ANKS1B: variants seen among roughly 807,000 people sequenced by gnomAD.
The protein encoded by ANKS1B is ankyrin repeat and sterile alpha motif domain-containing protein 1B.
Under a neutral mutation model 148.3 loss-of-function variants are expected in ANKS1B, and 36 were observed. The ratio of observed to expected loss-of-function variants is 0.24; its 90% CI spans 0.19 to 0.32. The LOEUF (loss-of-function observed/expected upper bound fraction) is 0.32, where lower values mean the gene tolerates loss of function less well. ANKS1B is among the 10% of genes least tolerant of loss of function. The pLI is 1.00. For synonymous variants in ANKS1B, 542 were observed against 560.8 expected, an observed-to-expected ratio of 0.97 and a Z score of 0.47; for missense variants, 1,157 against 1,542.6, an observed-to-expected ratio of 0.75 and a Z score of 4.19.
At chr12:99,921,206 T>C (rs2094341179) in intron 1 of ANKS1B, among the ~76,000 whole-genome samples, 2 of 152,078 alleles carry the variant, frequency 1.3e-5, no homozygotes, top group Admixed American at 1.3e-4. Context: ...GGTGATTGGA[T>C]CATGGGGGTG....
At chr12:99,694,079 C>T (rs2153508041) in intron 8 of ANKS1B, among the ~76,000 whole-genome samples, 1 of 150,364 alleles carries the variant, frequency 6.7e-6, no homozygotes, top group South Asian at 2.1e-4. Flanking sequence ...ATGCCCAGCC[C>T]TTTTTTGGAC....
chr12:99,107,468 C>A (rs1445163704), intron 15 of ANKS1B, among the ~76,000 whole-genome samples: 2 of 152,196 alleles, frequency 1.3e-5, no homozygotes, highest in Non-Finnish European at 2.9e-5. Context: ...TGTAACATCA[C>A]AAGGACTGTC....
intron 15 of ANKS1B, among the ~76,000 whole-genome samples, chr12:99,147,054 T>C (rs1412830875): frequency 6.6e-6 from 1 of 152,146 alleles, no homozygotes; most frequent in Non-Finnish European, 1.5e-5. Flanking sequence ...GCCTAAAATA[T>C]TTACCATCTG....
chr12:99,401,530 C>T (rs1341985874), intron 11 of ANKS1B, among the ~76,000 whole-genome samples: 1 of 146,602 alleles, frequency 6.8e-6, no homozygotes, highest in East Asian at 1.9e-4. Context: ...ACCCATGGTT[C>T]TAACTGCTTT....
In ANKS1B at chr12:98,810,666, C is replaced by T. The variant is rs747902554; in HGVS notation, c.3067-2748G>A. Among the ~76,000 whole-genome samples the T allele has an allele frequency of 3.2e-4, 48 of 152,320 alleles. 1 individual carries two copies. In the Middle Eastern group the frequency reaches 0.02, roughly 65 times the overall value. On this transcript the variant is annotated intron_variant, in intron 19 of 26. Transcript: ENST00000683438. ...GAGACAGTCTTAACTGCACTGGGGTCCAAACACCAAAAAGTTGTTTTAGGT... is the reference window on the plus strand; with the variant it reads ...GAGACAGTCTTAACTGCACTGGGGTTCAAACACCAAAAAGTTGTTTTAGGT...
At chr12:98,784,169 G>A (rs1042882155) in intron 22 of ANKS1B, among the ~76,000 whole-genome samples, 2 of 152,222 alleles carry the variant, frequency 1.3e-5, no homozygotes, top group Admixed American at 6.5e-5. Context: ...TAAGCAGGTG[G>A]AGATATCCAG....
chr12:99,774,786 T>C (rs1428268179), intron 7 of ANKS1B, among the ~76,000 whole-genome samples: 1 of 151,606 alleles, frequency 6.6e-6, no homozygotes. Context: ...TATACATTTA[T>C]ATACACACTA....
intron 10 of ANKS1B, among the ~76,000 whole-genome samples, chr12:99,481,263 C>G (rs10745857): frequency 0.7 from 106,680 of 151,548 alleles, 38,338 homozygotes; most frequent in African/African-American, 0.86. Flanking sequence ...CCATTTATAA[C>G]TGAGAACATA....
chr12:98,860,673 C>T (rs1462781043), intron 17 of ANKS1B, among the ~76,000 whole-genome samples: 1 of 152,098 alleles, frequency 6.6e-6, no homozygotes, highest in Non-Finnish European at 1.5e-5. Context: ...TGGTTTCCAG[C>T]TCCATCCATG....
At chr12:98,938,002 T>G (rs932084894) in intron 17 of ANKS1B, among the ~76,000 whole-genome samples, 1 of 152,098 alleles carries the variant, frequency 6.6e-6, no homozygotes, top group Non-Finnish European at 1.5e-5. Context: ...ACTGCCCCCA[T>G]GATCCAATCA....
At chr12:99,230,450 A>G (rs577644032) in intron 14 of ANKS1B, among the ~76,000 whole-genome samples, 6 of 152,210 alleles carry the variant, frequency 3.9e-5, no homozygotes, top group Admixed American at 3.3e-4. Flanking sequence ...AGGGTTAGAT[A>G]TTTTGTTGAA....
chr12:99,980,919 AG>A (rs1603600545), intron 1 of ANKS1B, among the ~76,000 whole-genome samples: 1 of 152,042 alleles, frequency 6.6e-6, no homozygotes, highest in East Asian at 1.9e-4. Flanking sequence ...GAATGAATCT[AG>A]TCATTGGAAG....
intron 17 of ANKS1B, among the ~76,000 whole-genome samples, chr12:99,005,748 C>A (rs1024942440): frequency 1.3e-5 from 2 of 152,068 alleles, no homozygotes; most frequent in Non-Finnish European, 2.9e-5. Context: ...TTATAAGACT[C>A]ATAAAATAAA....
intron 17 of ANKS1B, among the ~76,000 whole-genome samples, chr12:98,921,031 C>T (rs1007635494): frequency 6.6e-6 from 1 of 152,172 alleles, no homozygotes; most frequent in African/African-American, 2.4e-5. Flanking sequence ...ATTTATTTGG[C>T]TATTACAGGG....
intron 14 of ANKS1B, among the ~76,000 whole-genome samples, chr12:99,160,536 G>T (rs1320394992): frequency 1.4e-5 from 2 of 147,650 alleles, no homozygotes; most frequent in Admixed American, 6.8e-5. Context: ...TTTTAGTAGA[G>T]ATGGGGTTTC....
chr12:99,706,502 T>G (rs2055794877), intron 8 of ANKS1B: 1 of 152,080 alleles, frequency 6.6e-6, no homozygotes, highest in African/African-American at 2.4e-5. Context: ...TGGCAATGTC[T>G]TATAACTCGC....
At chr12:99,803,720 A>G (rs1044255286) in intron 4 of ANKS1B, among the ~76,000 whole-genome samples, 1 of 152,224 alleles carries the variant, frequency 6.6e-6, no homozygotes, top group Non-Finnish European at 1.5e-5. Flanking sequence ...ATATTTTAAA[A>G]TACTCTTTAG....
intron 15 of ANKS1B, among the ~76,000 whole-genome samples, chr12:99,126,131 T>C (rs2064267225): frequency 6.6e-6 from 1 of 152,216 alleles, no homozygotes; most frequent in South Asian, 2.1e-4. Context: ...GTCATTCACA[T>C]GGTTCCAGAC....
intron 1 of ANKS1B, among the ~76,000 whole-genome samples, chr12:99,837,181 C>A (rs965667379): frequency 6.6e-6 from 1 of 152,064 alleles, no homozygotes; most frequent in Non-Finnish European, 1.5e-5. Flanking sequence ...GGGTCATGAA[C>A]CTAGAAACGT....
Sources: gnomAD v4.1 joint callset for allele counts (sites outside exome capture counted in the v4.1 genomes callset) on GRCh38, gnomAD v4.1.1 for gene constraint, MANE v1.5 for transcripts, NCBI Gene and HGNC (gene_info 2026-07-23, HGNC 2026-07-21) for gene names.